Variants in RCC1 observed in about 807,000 individuals in gnomAD.
RCC1 encodes regulator of chromosome condensation 1, also known as regulator of chromosome condensation.
In RCC1, 11 loss-of-function variants were observed where a neutral mutation model predicts 44.4. The observed-to-expected ratio is 0.25, with a 90% CI of 0.16 to 0.41. RCC1 has a LOEUF of 0.41. Ranked by LOEUF, RCC1 falls within the 10% of genes least tolerant of loss-of-function variation. The pLI is 1.00. For missense variants in RCC1, 386 were observed against 547.1 expected (o/e 0.71, Z 2.94); for synonymous variants, 213 against 216.5 (o/e 0.98, Z 0.14).
intron 1 of RCC1, 114 bp from the exon 2 acceptor site, chr1:28,508,014 C>T (rs575350002): frequency 1.2e-5 from 4 of 346,760 alleles, no homozygotes; most frequent in African/African-American, 2.1e-5. Flanking sequence ...GTGACCTATA[C>T]TCAAACCTAT....
chr1:28,507,642 G>T (rs2840759), intron 1 of RCC1: 114,904 of 419,816 alleles, frequency 0.27, 16,645 homozygotes, highest in Middle Eastern at 0.35. Context: ...TCGCTCTGTT[G>T]CCCAGGCTGG....
intron 5 of RCC1, chr1:28,530,474 TG>T (rs995503439): frequency 6.5e-6 from 10 of 1,533,356 alleles, no homozygotes; most frequent in Non-Finnish European, 8.0e-6. Flanking sequence ...AGCACCAAAC[TG>T]GGAGGGGAAG....
At chr1:28,523,038 T>G (rs1456428491) in intron 4 of RCC1, among the ~76,000 whole-genome samples, 1 of 142,572 alleles carries the variant, frequency 7.0e-6, no homozygotes, top group African/African-American at 2.6e-5. Context: ...TTTTTTTTTT[T>G]TTTTTTTTTT....
chr1:28,530,540 T>C, intron 5 of RCC1: 1 of 1,604,848 alleles, frequency 6.2e-7, no homozygotes, highest in Non-Finnish European at 8.5e-7. Context: ...GGCCGCTGCC[T>C]CCCGCCGCGT....
intron 7 of RCC1, among the ~76,000 whole-genome samples, chr1:28,534,655 AT>A (rs373089579): frequency 1.5e-4 from 23 of 152,000 alleles, no homozygotes; most frequent in African/African-American, 5.1e-4. Context: ...TAATTTTTGT[AT>A]TTTTTGTAGG....
intron 4 of RCC1, among the ~76,000 whole-genome samples, chr1:28,523,080 G>A (rs1281557695): frequency 7.4e-6 from 1 of 135,864 alleles, no homozygotes; most frequent in South Asian, 2.3e-4. Flanking sequence ...CACCCAGGCT[G>A]GAGTGCAGTG....
chr1:28,520,502 C>T (rs1663202703), intron 4 of RCC1, among the ~76,000 whole-genome samples: 1 of 152,126 alleles, frequency 6.6e-6, no homozygotes, highest in Non-Finnish European at 1.5e-5. Context: ...TTTCATTCCA[C>T]CTCTCTGTGA....
chr1:28,507,294 G>A (rs1180883547), intron 1 of RCC1: 1 of 499,578 alleles, frequency 2.0e-6, no homozygotes, highest in Non-Finnish European at 4.1e-6. Context: ...TCTTGTTTAA[G>A]ATCTGTAGTA....
chr1:28,532,639 T>C, intron 7 of RCC1: 1 of 515,364 alleles, frequency 1.9e-6, no homozygotes, highest in Non-Finnish European at 3.7e-6. Context: ...TCTTCACCCA[T>C]CTCCCTGACT....
intron 5 of RCC1, among the ~76,000 whole-genome samples, chr1:28,531,091 C>T (rs1463793693): frequency 6.6e-5 from 10 of 151,956 alleles, no homozygotes; most frequent in African/African-American, 2.2e-4. Context: ...TAGCCTTGCG[C>T]GGTGGCGCGC....
rs1168443435 is a variant in RCC1, at chr1:28,533,845, C to CTTTTTTTTTTTTTTTTTTT, written c.442-1173_442-1155dup. Reference sequence around the variant, plus strand: ...ATATTTTTTTCTTTTCTTTTCTTTTCTTTTTTTTTTTTTTTTTTTTTTTTT... The same window carrying CTTTTTTTTTTTTTTTTTTT: ...ATATTTTTTTCTTTTCTTTTCTTTTCTTTTTTTTTTTTTTTTTTTTTTTTTTTTTTTTTTTTTTTTTTTT... On this transcript the variant is annotated intron_variant, in intron 7 of 12. Coordinates refer to ENST00000683442, the MANE Select transcript of RCC1 (RefSeq NM_001381865.2). 7.5e-4 allele frequency among the ~76,000 whole-genome samples: 35 copies of CTTTTTTTTTTTTTTTTTTT among 46,878 alleles called. 12 individuals are homozygous for CTTTTTTTTTTTTTTTTTTT. The highest frequency in any genetic ancestry group is 1.0e-3 in the Non-Finnish European group (28 of 26,884). 30.8% of individuals were successfully genotyped at this position (46,878 alleles called of 152,430 possible).
chr1:28,533,110 G>A (rs1441406589), intron 7 of RCC1, among the ~76,000 whole-genome samples: 1 of 152,020 alleles, frequency 6.6e-6, no homozygotes, highest in Non-Finnish European at 1.5e-5. Flanking sequence ...CACCACACCC[G>A]GCCTGATGGG....
rs539416293 is a variant in RCC1, at chr1:28,526,968, C to G, written c.-9-2890C>G. On this transcript the variant is annotated intron_variant, in intron 4 of 12. Transcript: ENST00000683442. ...ACCAAATATTTCCCCTCAAAGTCAT[C>G]AAGGCTTAGGTCTTTGAACTCTCCA... 3 of 864,110 alleles carry G rather than the reference C, an allele frequency of 3.5e-6. No individual in the cohort carries two copies. The East Asian group carries it at 7.2e-5, about 21-fold the overall frequency. The allele number at this position is 864,110 out of a possible 1,614,324, so 53.5% of individuals were successfully genotyped here.
intron 4 of RCC1, among the ~76,000 whole-genome samples, chr1:28,523,475 A>G (rs1663432589): frequency 1.3e-5 from 2 of 152,146 alleles, no homozygotes; most frequent in South Asian, 4.1e-4. Flanking sequence ...GCCAGCTTGT[A>G]GTGAAACGCT....
chr1:28,521,326 C>A (rs1400231065), intron 4 of RCC1, among the ~76,000 whole-genome samples: 2 of 151,712 alleles, frequency 1.3e-5, no homozygotes, highest in Non-Finnish European at 2.9e-5. Context: ...ACGGTGAAAC[C>A]CCGTCTCTAC....
intron 3 of RCC1, among the ~76,000 whole-genome samples, chr1:28,513,929 T>C (rs574057663): frequency 3.9e-5 from 6 of 152,186 alleles, no homozygotes; most frequent in Admixed American, 3.9e-4. Flanking sequence ...TCAATTGATA[T>C]TAAACCAGTT....
At chr1:28,510,182 A>AGGTG (rs1467417277) in intron 3 of RCC1, 1 of 152,238 alleles carries the variant, frequency 6.6e-6, no homozygotes, top group East Asian at 1.9e-4. Flanking sequence ...GGTTTGAGGG[A>AGGTG]GGTGGGTGAG....
chr1:28,508,725 G>A, intron 2 of RCC1, 105 bp from the exon 3 acceptor site: 1 of 518,608 alleles, frequency 1.9e-6, no homozygotes, highest in South Asian at 1.4e-5. Flanking sequence ...GAGTCCTGTG[G>A]ACAATGACTG....
intron 3 of RCC1, among the ~76,000 whole-genome samples, chr1:28,512,501 T>C (rs1479228465): frequency 6.6e-6 from 1 of 152,194 alleles, no homozygotes; most frequent in Non-Finnish European, 1.5e-5. Context: ...TTCTTTTTTA[T>C]TGATTTGTTT....
Sources: gnomAD v4.1 joint callset for allele counts (sites outside exome capture counted in the v4.1 genomes callset) on GRCh38, gnomAD v4.1.1 for gene constraint, MANE v1.5 for transcripts, NCBI Gene and HGNC (gene_info 2026-07-23, HGNC 2026-07-21) for gene names.